Variants in SORCS3 observed in about 807,000 individuals in gnomAD.
SORCS3 encodes VPS10 domain-containing receptor SorCS3.
SORCS3 carries 57 observed loss-of-function variants against 146.3 expected under a neutral mutation model. That is an observed-to-expected ratio of 0.39 (90% CI 0.31 to 0.49). The LOEUF (loss-of-function observed/expected upper bound fraction) is 0.49, where lower values mean the gene tolerates loss of function less well. Among genes scored for constraint, SORCS3 ranks in the 20% least tolerant of loss-of-function variants. The pLI is 0.92. For synonymous variants in SORCS3, 653 were observed against 618.5 expected, an observed-to-expected ratio of 1.06 and a Z score of -0.83; for missense variants, 1,341 against 1,575.5, an observed-to-expected ratio of 0.85 and a Z score of 2.52.
At chr10:105,165,393 G>T (rs997510771) in intron 12 of SORCS3, among the ~76,000 whole-genome samples, 1 of 152,154 alleles carries the variant, frequency 6.6e-6, no homozygotes, top group South Asian at 2.1e-4. Flanking sequence ...GAAGACAAGA[G>T]AAAGACAATG....
At chr10:104,973,383 G>A (rs568456331) in intron 3 of SORCS3, among the ~76,000 whole-genome samples, 1 of 151,698 alleles carries the variant, frequency 6.6e-6, no homozygotes, top group African/African-American at 2.4e-5. Flanking sequence ...TCCTGTTATT[G>A]GTCTATTCAG....
rs531941120 is a variant in SORCS3 at position 104,848,001 on chromosome 10, C to T, written c.695+5142C>T. ...CTTCTGCTTATGGGTAGCTTTATAT[C>T]CTTACACCATACTGGTGATTCGTTC... is the stretch of plus-strand genomic sequence containing the variant. On this transcript the variant is annotated intron_variant, in intron 2 of 26. Transcript: ENST00000369701. 2.6e-5 allele frequency among the ~76,000 whole-genome samples: 4 copies of T among 152,208 alleles called. No individual in the cohort carries two copies. The East Asian group carries it at 7.7e-4, about 29-fold the overall frequency.
chr10:105,027,084 T>G (rs1300410158), intron 4 of SORCS3, among the ~76,000 whole-genome samples: 1 of 152,134 alleles, frequency 6.6e-6, no homozygotes, highest in African/African-American at 2.4e-5. Flanking sequence ...CTCTGTTACT[T>G]CCCTCCTGCT....
At chr10:105,091,368 C>CTCCCTCCT (rs1233823117) in intron 6 of SORCS3, among the ~76,000 whole-genome samples, 5 of 79,840 alleles carry the variant, frequency 6.3e-5, no homozygotes, top group African/African-American at 2.3e-4. Context: ...TCCTCCCTCC[C>CTCCCTCCT]TCCCTCCTTC....
intron 3 of SORCS3, among the ~76,000 whole-genome samples, chr10:104,968,457 A>T (rs186970568): frequency 6.6e-6 from 1 of 152,264 alleles, no homozygotes; most frequent in Admixed American, 6.5e-5. Flanking sequence ...CAGTCTGAGG[A>T]GCCTGGCCTA....
intron 1 of SORCS3, among the ~76,000 whole-genome samples, chr10:104,750,086 G>A (rs1335661595): frequency 6.6e-6 from 1 of 152,146 alleles, no homozygotes; most frequent in Non-Finnish European, 1.5e-5. Context: ...CAGTTAGTGG[G>A]TAGTACTAAC....
intron 3 of SORCS3, among the ~76,000 whole-genome samples, chr10:104,920,153 T>C (rs987533267): frequency 6.6e-6 from 1 of 152,208 alleles, no homozygotes; most frequent in Admixed American, 6.5e-5. Flanking sequence ...CAGTAGTCTC[T>C]CGTGGATTTT....
At chr10:105,117,543 C>T (rs915871565) in intron 7 of SORCS3, among the ~76,000 whole-genome samples, 9 of 152,144 alleles carry the variant, frequency 5.9e-5, no homozygotes, top group African/African-American at 2.2e-4. Flanking sequence ...GCTTACTCAT[C>T]CCTATGTTAG....
intron 20 of SORCS3, among the ~76,000 whole-genome samples, chr10:105,227,137 G>A (rs755297194): frequency 2.0e-4 from 30 of 151,786 alleles, no homozygotes; most frequent in Admixed American, 1.0e-3. Context: ...TTCTTGAGTT[G>A]CAGGTTGTAT....
At chr10:105,245,765 C>G in intron 21 of SORCS3, 100 bp downstream of exon 21, 1 of 1,428,724 alleles carries the variant, frequency 7.0e-7, no homozygotes, top group East Asian at 2.5e-5. Flanking sequence ...ATTCCTCAGG[C>G]CCTGGGAAAA....
intron 1 of SORCS3, among the ~76,000 whole-genome samples, chr10:104,687,702 T>TC (rs1475124215): frequency 1.3e-5 from 2 of 152,072 alleles, no homozygotes; most frequent in Non-Finnish European, 2.9e-5. Context: ...TATGTCTGGA[T>TC]CCACTGCCTG....
At chr10:104,850,207 A>G (rs1221675344) in intron 2 of SORCS3, among the ~76,000 whole-genome samples, 1 of 152,208 alleles carries the variant, frequency 6.6e-6, no homozygotes, top group Non-Finnish European at 1.5e-5. Context: ...TACTTGTGGA[A>G]TGTGTTAAAC....
In SORCS3 at chr10:105,016,155, A is replaced by ATATATATATATATATAT. The variant is rs71482443; in HGVS notation, c.955-26899_955-26898insATATATATATATATATT. 9.5e-4 allele frequency among the ~76,000 whole-genome samples: 96 copies of ATATATATATATATATAT among 101,306 alleles called. 2 individuals carry two copies. The highest frequency in any genetic ancestry group is 4.4e-3 in the African/African-American group (91 of 20,658). The allele number at this position is 101,306 out of a possible 152,430, so 66.5% of individuals were successfully genotyped here. A position where few individuals can be genotyped will look rare whatever the true frequency, so the allele number is the denominator to read the frequency against. Reference sequence around the variant, plus strand: ...TATAAATATATATATATATATATATATTTTTTTTTTTTTTTGAGATGGAGT... The same window carrying ATATATATATATATATAT: ...TATAAATATATATATATATATATATATATATATATATATATATTTTTTTTTTTTTTTTGAGATGGAGT... On this transcript the variant is annotated intron_variant, in intron 4 of 26. Transcript: ENST00000369701.
At chr10:104,856,133 C>A (rs1370886791) in intron 2 of SORCS3, among the ~76,000 whole-genome samples, 1 of 152,038 alleles carries the variant, frequency 6.6e-6, no homozygotes, top group Non-Finnish European at 1.5e-5. Flanking sequence ...GGTATGTAAG[C>A]CTATTTGGCT....
intron 16 of SORCS3, among the ~76,000 whole-genome samples, chr10:105,205,724 T>G (rs1392926401): frequency 1.3e-5 from 2 of 152,188 alleles, no homozygotes; most frequent in African/African-American, 4.8e-5. Context: ...AACTTCTCAC[T>G]CGACAAAAAC....
At chr10:105,007,220 C>T (rs563471391) in intron 4 of SORCS3, among the ~76,000 whole-genome samples, 3 of 152,264 alleles carry the variant, frequency 2.0e-5, no homozygotes, top group Non-Finnish European at 1.5e-5. Flanking sequence ...GAGGAATCTA[C>T]TTATTGTGCA....
At chr10:105,180,718 G>T (rs1306623079) in intron 14 of SORCS3, among the ~76,000 whole-genome samples, 1 of 152,008 alleles carries the variant, frequency 6.6e-6, no homozygotes, top group Non-Finnish European at 1.5e-5. Flanking sequence ...CAACCTCCCT[G>T]ACCTGACCAC....
intron 1 of SORCS3, among the ~76,000 whole-genome samples, chr10:104,648,591 T>C (rs1161622794): frequency 1.3e-5 from 2 of 152,258 alleles, no homozygotes; most frequent in African/African-American, 4.8e-5. Flanking sequence ...ACAAGCTAGT[T>C]AATGTTGGAC....
chr10:104,886,559 T>TATCC (rs1554857184), intron 2 of SORCS3, among the ~76,000 whole-genome samples: 5 of 66,488 alleles, frequency 7.5e-5, no homozygotes, highest in African/African-American at 1.5e-4. Context: ...CTCTATCATC[T>TATCC]ATCTATCTAT....
Sources: allele counts gnomAD v4.1 joint callset (sites outside exome capture counted in the v4.1 genomes callset), GRCh38; gene constraint gnomAD v4.1.1; transcripts MANE v1.5; gene names NCBI Gene and HGNC (gene_info 2026-07-23, HGNC 2026-07-21).